SYNPO2: variants seen among roughly 807,000 people sequenced by gnomAD.
SYNPO2 encodes the protein synaptopodin 2, also known as synaptopodin-2.
SYNPO2 carries 56 observed loss-of-function variants against 85.0 expected under a neutral mutation model. The observed-to-expected ratio is 0.66, with a 90% CI of 0.53 to 0.82. The LOEUF is 0.82. SYNPO2 is among the 40% of genes least tolerant of loss of function. SYNPO2 has a pLI of 0.00. For missense variants in SYNPO2, 1,575 were observed against 1,534.2 expected (o/e 1.03, Z -0.44); for synonymous variants, 602 against 591.1 (o/e 1.02, Z -0.27).
chr4:119,056,653 T>C (rs968595790), intron 4 of SYNPO2, among the ~76,000 whole-genome samples: 1 of 151,936 alleles, frequency 6.6e-6, no homozygotes, highest in Non-Finnish European at 1.5e-5. Context: ...CTCAAAGAAA[T>C]AGGAATGTAA....
rs550459901 is a variant in SYNPO2 at position 118,929,485 on chromosome 4, T to TA, written c.105+40352dup. Among the ~76,000 whole-genome samples, 128 of 152,034 alleles carry TA rather than the reference T, an allele frequency of 8.4e-4. 1 individual carries two copies. Among genetic ancestry groups the TA allele is most frequent in the African/African-American group, 3.0e-3 (124 of 41,510 alleles). On this transcript the variant is annotated intron_variant, in intron 1 of 4. Transcript: ENST00000307142. ...TTTTGACTATTTATTTAGAAAAAAA[T>TA]AAAAAAAATTTTGCTACATTTTCCT...
chr4:118,896,976 G>C (rs1210308904), intron 1 of SYNPO2, among the ~76,000 whole-genome samples: 1 of 151,916 alleles, frequency 6.6e-6, no homozygotes, highest in Non-Finnish European at 1.5e-5. Context: ...AAAAAATGAA[G>C]GATGACCTTT....
chr4:119,006,798 A>G (rs530727636), intron 1 of SYNPO2, among the ~76,000 whole-genome samples: 15 of 152,260 alleles, frequency 9.9e-5, no homozygotes, highest in African/African-American at 3.1e-4. Flanking sequence ...GATGATCTGT[A>G]TAGCCAGGGT....
intron 1 of SYNPO2, among the ~76,000 whole-genome samples, chr4:118,911,593 C>T (rs1733139692): frequency 6.6e-6 from 1 of 152,060 alleles, no homozygotes; most frequent in Non-Finnish European, 1.5e-5. Context: ...CCCATGATAG[C>T]ATTAAAAACT....
chr4:119,016,228 C>T (rs1183076894), intron 1 of SYNPO2, among the ~76,000 whole-genome samples: 1 of 152,110 alleles, frequency 6.6e-6, no homozygotes, highest in Non-Finnish European at 1.5e-5. Context: ...TCGAGACCAG[C>T]CTGGCCAACA....
chr4:119,006,450 A>G (rs1737034343), intron 1 of SYNPO2: 1 of 152,222 alleles, frequency 6.6e-6, no homozygotes, highest in Admixed American at 6.5e-5. Flanking sequence ...CTTGGGGATT[A>G]CTAAGAGAAA....
chr4:118,889,405 C>T (rs1384617650), intron 1 of SYNPO2, among the ~76,000 whole-genome samples: 3 of 152,150 alleles, frequency 2.0e-5, no homozygotes, highest in Non-Finnish European at 4.4e-5. Flanking sequence ...CCTAGTTAAC[C>T]ATGTTCTTCT....
Position 118,927,776 on chromosome 4 carries a change from T to TAGATAGATAGATA in SYNPO2, c.105+38635_105+38636insAGATAGATAGATA, listed in dbSNP as rs143891687. Among the ~76,000 whole-genome samples, 110 of 102,646 alleles carry TAGATAGATAGATA rather than the reference T, an allele frequency of 1.1e-3. 1 individual carries two copies. Among genetic ancestry groups the TAGATAGATAGATA allele is most frequent in the Non-Finnish European group, 1.5e-3 (72 of 48,122 alleles). The allele number at this position is 102,646 out of a possible 152,430, so 67.3% of individuals were successfully genotyped here. A position where few individuals can be genotyped will look rare whatever the true frequency, so the allele number is the denominator to read the frequency against. On this transcript the variant is annotated intron_variant, in intron 1 of 4. Coordinates refer to ENST00000307142, the MANE Select transcript of SYNPO2 (RefSeq NM_133477.3). Reference sequence around the variant, plus strand: ...ATAGATAGATATATAGATAGATAGATGATAGATAGATAGATAGATAGATAG... The same window carrying TAGATAGATAGATA: ...ATAGATAGATATATAGATAGATAGATAGATAGATAGATAGATAGATAGATAGATAGATAGATAG...
chr4:119,055,732 G>C (rs1166088331), intron 4 of SYNPO2, among the ~76,000 whole-genome samples: 1 of 152,062 alleles, frequency 6.6e-6, no homozygotes, highest in Non-Finnish European at 1.5e-5. Context: ...AATTATGAGT[G>C]GTTCTGAATT....
intron 4 of SYNPO2, chr4:119,035,196 C>G (rs1282175137): frequency 2.0e-6 from 2 of 985,330 alleles, no homozygotes; most frequent in Non-Finnish European, 2.4e-6. Flanking sequence ...AAACATTTCT[C>G]TTTCCACAAG....
intron 4 of SYNPO2, among the ~76,000 whole-genome samples, chr4:119,041,566 G>T (rs534599528): frequency 4.0e-4 from 61 of 152,038 alleles, no homozygotes; most frequent in Non-Finnish European, 6.6e-4. Context: ...AATTCTTCAC[G>T]TAAGTCCAAT....
Position 119,057,590 on chromosome 4 carries a change from C to T in SYNPO2, c.3442C>T (p.Gln1148Ter). 6.2e-7 allele frequency: 1 copy of T among 1,614,080 alleles called. No individual in the cohort carries two copies. Among genetic ancestry groups the T allele is most frequent in the Non-Finnish European group, 8.5e-7 (1 of 1,180,028 alleles). The change falls in exon 5 of 5, where the codon CAA becomes TAA. Residue 1148 changes from glutamine to a stop codon, truncating the protein, a stop_gained. Transcript: ENST00000307142. LOFTEE classifies it low-confidence loss of function (END_TRUNC). ...SPLGLVDDAF[Q>*]PRNIQESIVA... ...TCTCGGTCTAGTGGATGATGCTTTC[C>T]AACCCAGAAACATCCAGGAATCCAT...
chr4:119,036,290 T>C, intron 4 of SYNPO2: 2 of 985,466 alleles, frequency 2.0e-6, no homozygotes, highest in South Asian at 9.4e-5. Flanking sequence ...TTGTTGAGTT[T>C]GTTTTTAAAC....
At position 119,056,475 on chromosome 4, in the gene SYNPO2, T is replaced by C. The variant is rs1003537835; in HGVS notation, c.3253-926T>C. Among the ~76,000 whole-genome samples the C allele has an allele frequency of 8.5e-5, 13 of 152,228 alleles. No individual in the cohort carries two copies. The South Asian group carries it at 2.1e-3, about 24-fold the overall frequency. ...GGGAGGCTGAGGCAGGAGGATTGCT[T>C]GAGCCCAGGAGTTTGAGGCTGCAGT... On this transcript the variant is annotated intron_variant, in intron 4 of 4. Coordinates refer to ENST00000307142, the MANE Select transcript of SYNPO2 (RefSeq NM_133477.3).
At position 119,060,822 on chromosome 4, in the gene SYNPO2, C is replaced by T. The variant is rs1048351026; in HGVS notation, c.*2888C>T. On this transcript the variant is annotated 3_prime_UTR_variant, in exon 5 of 5. Transcript: ENST00000307142. ...ATACCAATGCATGTGTTTGAAATATCCATTAAGATGATTTAAAATTTGTCT... is the reference window on the plus strand; with the variant it reads ...ATACCAATGCATGTGTTTGAAATATTCATTAAGATGATTTAAAATTTGTCT... 6.6e-6 allele frequency: 1 copy of T among 152,084 alleles called. No homozygotes were observed. The highest frequency in any genetic ancestry group is 1.5e-5 in the Non-Finnish European group (1 of 68,006). The allele number at this position is 152,084 out of a possible 1,614,324, so 9.4% of individuals were successfully genotyped here. A position where few individuals can be genotyped will look rare whatever the true frequency, so the allele number is the denominator to read the frequency against.
At chr4:119,000,531 C>A (rs994074909) in intron 1 of SYNPO2, among the ~76,000 whole-genome samples, 2 of 152,100 alleles carry the variant, frequency 1.3e-5, no homozygotes, top group Non-Finnish European at 2.9e-5. Flanking sequence ...GGGATCACCA[C>A]CCAGGATTAA....
intron 1 of SYNPO2, among the ~76,000 whole-genome samples, chr4:119,021,130 TA>T (rs1452970642): frequency 6.6e-6 from 1 of 152,212 alleles, no homozygotes; most frequent in Non-Finnish European, 1.5e-5. Flanking sequence ...CTACAGATTG[TA>T]ATTTATGACA....
chr4:118,996,401 A>G (rs999692614), intron 1 of SYNPO2, among the ~76,000 whole-genome samples: 11 of 152,182 alleles, frequency 7.2e-5, no homozygotes, highest in Non-Finnish European at 5.9e-5. Flanking sequence ...TGCCAGATGT[A>G]TAACTTGTTT....
intron 1 of SYNPO2, among the ~76,000 whole-genome samples, chr4:118,959,061 A>AAGGCAACATGTATTG (rs1277134817): frequency 6.6e-6 from 1 of 152,334 alleles, no homozygotes; most frequent in East Asian, 1.9e-4. Flanking sequence ...TCAATTAGTA[A>AAGGCAACATGTATTG]AGGCAACATG....
Sources: gnomAD v4.1 joint callset for allele counts (sites outside exome capture counted in the v4.1 genomes callset) on GRCh38, gnomAD v4.1.1 for gene constraint, MANE v1.5 for transcripts, NCBI Gene and HGNC (gene_info 2026-07-23, HGNC 2026-07-21) for gene names.